The following BMPER variants were observed in gnomAD, a reference collection of about 807,000 sequenced individuals.
BMPER encodes the protein BMP binding endothelial regulator.
In BMPER, 45 loss-of-function variants were observed where a neutral mutation model predicts 87.3. That is an observed-to-expected ratio of 0.52 (90% CI 0.41 to 0.66). The LOEUF is 0.66. BMPER is among the 30% of genes least tolerant of loss of function. BMPER has a pLI of 0.00. For synonymous variants in BMPER, 326 were observed against 316.2 expected (o/e 1.03, Z -0.33); for missense variants, 784 against 867.5 (o/e 0.90, Z 1.21).
chr7:33,923,378 G>C (rs1366118870), intron 2 of BMPER, among the ~76,000 whole-genome samples: 1 of 152,230 alleles, frequency 6.6e-6, no homozygotes, highest in Admixed American at 6.5e-5. Flanking sequence ...TAGTGGGTCT[G>C]TGCCCTCTTC....
intron 3 of BMPER, among the ~76,000 whole-genome samples, chr7:33,939,047 A>T (rs898892373): frequency 1.3e-5 from 2 of 152,152 alleles, no homozygotes; most frequent in African/African-American, 4.8e-5. Context: ...AAAAAAAAAG[A>T]CAAAAAACGA....
At chr7:34,076,476 A>G (rs1001316570) in intron 11 of BMPER, among the ~76,000 whole-genome samples, 3 of 152,002 alleles carry the variant, frequency 2.0e-5, no homozygotes, top group African/African-American at 7.3e-5. Context: ...CTGTACATAT[A>G]ATTTTGTCCT....
intron 6 of BMPER, among the ~76,000 whole-genome samples, chr7:33,997,684 C>CT (rs1786455438): frequency 6.6e-6 from 1 of 152,118 alleles, no homozygotes; most frequent in Non-Finnish European, 1.5e-5. Flanking sequence ...CCCTTGTATA[C>CT]TTTTTCCAGA....
intron 6 of BMPER, among the ~76,000 whole-genome samples, chr7:33,987,041 C>T (rs1413225926): frequency 1.3e-5 from 2 of 152,138 alleles, no homozygotes; most frequent in African/African-American, 4.8e-5. Context: ...CCATTCCCAT[C>T]AGGCGCTCTG....
At chr7:34,068,793 G>A (rs780085275) in intron 11 of BMPER, among the ~76,000 whole-genome samples, 4 of 152,148 alleles carry the variant, frequency 2.6e-5, no homozygotes, top group Non-Finnish European at 4.4e-5. Flanking sequence ...CACCATTTTA[G>A]CATCAGGAAA....
intron 2 of BMPER, among the ~76,000 whole-genome samples, chr7:33,923,680 T>C (rs1784289513): frequency 6.6e-6 from 1 of 152,234 alleles, no homozygotes; most frequent in Non-Finnish European, 1.5e-5. Flanking sequence ...TGAATTAATG[T>C]AATGACCGCA....
At chr7:33,984,485 C>T (rs1330042246) in intron 6 of BMPER, among the ~76,000 whole-genome samples, 2 of 152,024 alleles carry the variant, frequency 1.3e-5, no homozygotes, top group Non-Finnish European at 2.9e-5. Context: ...AGTGCTTATC[C>T]AGTGGGCTTA....
chr7:33,927,055 G>A (rs1784377343), intron 2 of BMPER, among the ~76,000 whole-genome samples: 1 of 152,246 alleles, frequency 6.6e-6, no homozygotes, highest in Non-Finnish European at 1.5e-5. Flanking sequence ...AGGGTCAATT[G>A]TGCAGATGTC....
At chr7:34,064,463 G>A (rs569650113) in intron 11 of BMPER, among the ~76,000 whole-genome samples, 30 of 152,152 alleles carry the variant, frequency 2.0e-4, no homozygotes, top group African/African-American at 6.7e-4. Flanking sequence ...TGGTGACATC[G>A]TAAAGAAAAA....
chr7:34,035,367 A>T lies in BMPER; in HGVS notation c.577-10939A>T, dbSNP rs184427929. Among the ~76,000 whole-genome samples, 5 of 152,348 alleles carry T rather than the reference A, an allele frequency of 3.3e-5. No homozygotes were observed. In the East Asian group the frequency reaches 9.6e-4, roughly 29 times the overall value. On this transcript the variant is annotated intron_variant, in intron 6 of 14. Transcript: ENST00000649409. ...TCATTTAAAGACCATAGTGTCTGACATACAGAAACTCAAATGTATATTGAA... is the reference window on the plus strand; with the variant it reads ...TCATTTAAAGACCATAGTGTCTGACTTACAGAAACTCAAATGTATATTGAA...
intron 6 of BMPER, among the ~76,000 whole-genome samples, chr7:34,022,504 T>C (rs1270583517): frequency 6.6e-6 from 1 of 152,058 alleles, no homozygotes; most frequent in East Asian, 1.9e-4. Context: ...ATAAAAGTTT[T>C]CTCTATCAGG....
rs1585621430 is a variant in BMPER at position 33,905,875 on chromosome 7, G to T, written c.133+129G>T. 25 of 1,299,808 alleles carry T rather than the reference G, an allele frequency of 1.9e-5. No individual in the cohort carries two copies. The East Asian group carries it at 6.3e-4, about 33-fold the overall frequency. The allele number at this position is 1,299,808 out of a possible 1,614,324, so 80.5% of individuals were successfully genotyped here. ...CCTTGGCGCTTGCCCTGCGCTGGTC[G>T]ATGGGGATGAAGCGAAGCCCCGGGA... On this transcript the variant is annotated intron_variant, in intron 1 of 14. Coordinates refer to ENST00000649409, the MANE Select transcript of BMPER (RefSeq NM_001365308.1).
intron 13 of BMPER, among the ~76,000 whole-genome samples, chr7:34,117,412 A>T (rs1790145676): frequency 6.6e-6 from 1 of 152,148 alleles, no homozygotes; most frequent in Non-Finnish European, 1.5e-5. Flanking sequence ...TGTCAGGAGG[A>T]TATATCAGGA....
intron 10 of BMPER, among the ~76,000 whole-genome samples, chr7:34,059,010 A>C (rs1212420078): frequency 6.7e-6 from 1 of 149,054 alleles, no homozygotes; most frequent in Non-Finnish European, 1.5e-5. Flanking sequence ...AACTGAATAA[A>C]GAGGAGAGGA....
Position 34,013,372 on chromosome 7 carries a change from TC to T in BMPER, c.577-32932del, listed in dbSNP as rs546215256. ...TGGCTCCTCAACTCTACTACTTCCA[TC>T]CTAGATCAAGCTTCTATTGTCTCTC... On this transcript the variant is annotated intron_variant, in intron 6 of 14. Coordinates refer to ENST00000649409, the MANE Select transcript of BMPER (RefSeq NM_001365308.1). 1.4e-3 allele frequency among the ~76,000 whole-genome samples: 208 copies of T among 151,892 alleles called. 1 individual carries two copies. Among genetic ancestry groups the T allele is most frequent in the African/African-American group, 4.9e-3 (203 of 41,500 alleles).
At chr7:34,022,705 C>CAAA (rs74837974) in intron 6 of BMPER, among the ~76,000 whole-genome samples, 2 of 59,658 alleles carry the variant, frequency 3.4e-5, no homozygotes, top group African/African-American at 5.1e-5. Flanking sequence ...TAAGGTTTGC[C>CAAA]AAAAAAAAAA....
chr7:33,905,684 G>A lies in BMPER; in HGVS notation c.71G>A (p.Cys24Tyr). The change falls in exon 1 of 15, where the codon TGC becomes TAC. Residue 24 changes from cysteine to tyrosine, a missense_variant. By Grantham distance (194) the Cys-to-Tyr change is radical. Coordinates refer to ENST00000649409, the MANE Select transcript of BMPER (RefSeq NM_001365308.1). ...YCRRSPGITCCVLLLLNCSGV... is the reference protein window; with the variant it reads ...YCRRSPGITCYVLLLLNCSGV... ...CGCCGCTCGCCTGGGATTACGTGCTGCGTCTTGCTGCTACTCAATTGCTCG... is the reference window on the plus strand; with the variant it reads ...CGCCGCTCGCCTGGGATTACGTGCTACGTCTTGCTGCTACTCAATTGCTCG... The A allele has an allele frequency of 6.2e-7, 1 of 1,613,532 alleles. No homozygotes were observed. The highest frequency in any genetic ancestry group is 1.1e-5 in the South Asian group (1 of 91,070).
intron 1 of BMPER, among the ~76,000 whole-genome samples, chr7:33,906,177 A>C (rs1359681690): frequency 1.1e-4 from 16 of 152,164 alleles, no homozygotes; most frequent in Non-Finnish European, 2.4e-4. Flanking sequence ...ATTTAAAGAA[A>C]CTATCATTTA....
At chr7:34,032,659 T>C (rs1787559820) in intron 6 of BMPER, among the ~76,000 whole-genome samples, 1 of 152,170 alleles carries the variant, frequency 6.6e-6, no homozygotes, top group African/African-American at 2.4e-5. Context: ...CCTTTAATAT[T>C]TTTACCATGA....
Sources: gnomAD v4.1 joint callset for allele counts (sites outside exome capture counted in the v4.1 genomes callset) on GRCh38, gnomAD v4.1.1 for gene constraint, MANE v1.5 for transcripts, NCBI Gene and HGNC (gene_info 2026-07-23, HGNC 2026-07-21) for gene names.